The following EFNB1 variants were observed in gnomAD, a reference collection of about 807,000 sequenced individuals.
EFNB1 encodes ephrin-B1.
EFNB1 carries 1 observed loss-of-function variant against 18.1 expected under a neutral mutation model. The observed-to-expected ratio is 0.06, with a 90% CI of 0.02 to 0.26. The LOEUF is 0.26. Ranked by LOEUF, EFNB1 falls within the 10% of genes least tolerant of loss-of-function variation. The probability of loss-of-function intolerance (pLI) is 1.00; values close to 1 mark genes in which losing one functional copy is unlikely to be tolerated. For missense variants in EFNB1, 221 were observed against 301.8 expected (o/e 0.73, Z 1.98); for synonymous variants, 131 against 127.5 (o/e 1.03, Z -0.19).
chrX:68,835,030 C>G (rs1489957875), intron 1 of EFNB1, among the ~76,000 whole-genome samples: 1 of 112,380 alleles, frequency 8.9e-6, no homozygotes, highest in African/African-American at 3.2e-5. Flanking sequence ...TCCCCAACCC[C>G]TTCAGGCTTT....
Position 68,841,006 on chromosome X carries a change from C to T in EFNB1, c.*352C>T, listed in dbSNP as rs41312134. 2.2e-5 allele frequency: 6 copies of T among 276,420 alleles called. No homozygotes were observed. The highest frequency in any genetic ancestry group is 1.1e-4 in the South Asian group (1 of 9,018). The allele number at this position is 276,420 out of a possible 1,213,427, so 22.8% of individuals were successfully genotyped here. On this transcript the variant is annotated 3_prime_UTR_variant, in exon 5 of 5. Coordinates refer to ENST00000204961, the MANE Select transcript of EFNB1 (RefSeq NM_004429.5). The stretch of plus-strand genomic sequence containing the variant: ...TGCCACCTTCCCAGGACTGCTTGTC[C>T]GCTATCATCACTGTTTTTAATGCTT...
At position 68,841,981 on chromosome X, in the gene EFNB1, C is replaced by T. The variant is rs1456700000; in HGVS notation, c.*1327C>T. ...GTGGGAGAGGGAGCAGAACAGCCAG[C>T]CCCTTCCAGGTGGCAGTCGGAAGGG... On this transcript the variant is annotated 3_prime_UTR_variant, in exon 5 of 5. Coordinates refer to ENST00000204961, the MANE Select transcript of EFNB1 (RefSeq NM_004429.5). 1.8e-5 allele frequency: 2 copies of T among 113,183 alleles called. No individual in the cohort carries two copies. The highest frequency in any genetic ancestry group is 3.7e-5 in the Non-Finnish European group (2 of 53,339). 9.3% of individuals were successfully genotyped at this position (113,183 alleles called of 1,213,427 possible). A position where few individuals can be genotyped will look rare whatever the true frequency, so the allele number is the denominator to read the frequency against.
At chrX:68,832,324 C>T (rs1207243885) in intron 1 of EFNB1, among the ~76,000 whole-genome samples, 1 of 110,489 alleles carries the variant, frequency 9.1e-6, no homozygotes, top group Non-Finnish European at 1.9e-5. Flanking sequence ...TAGTCACTCT[C>T]TGCCTCTTTT....
At chrX:68,834,708 G>A (rs2080456156) in intron 1 of EFNB1, among the ~76,000 whole-genome samples, 1 of 112,997 alleles carries the variant, frequency 8.8e-6, no homozygotes, top group Non-Finnish European at 1.9e-5. Context: ...TGCAGTGGTC[G>A]TGGGGTCACT....
chrX:68,831,267 G>A (rs1043035441), intron 1 of EFNB1, among the ~76,000 whole-genome samples: 12 of 108,979 alleles, frequency 1.1e-4, no homozygotes, highest in Non-Finnish European at 2.1e-4. Flanking sequence ...TGATCTCTCA[G>A]CCCTGGAGTA....
At chrX:68,831,384 A>G (rs1322840698) in intron 1 of EFNB1, among the ~76,000 whole-genome samples, 2 of 111,790 alleles carry the variant, frequency 1.8e-5, no homozygotes, top group Non-Finnish European at 3.8e-5. Flanking sequence ...CCTGGGTACA[A>G]GGAAAGGGAT....
chrX:68,838,782 G>A lies in EFNB1; in HGVS notation c.294G>A (p.Leu98=), dbSNP rs752714814. ...GCACAGTTCTCGACCCCAACGTGTTGGTCACCTGCAATAGGCCAGAGCAGG... is the reference window on the plus strand; with the variant it reads ...GCACAGTTCTCGACCCCAACGTGTTAGTCACCTGCAATAGGCCAGAGCAGG... ...ACSTVLDPNV[L]VTCNRPEQEI... is the part of the protein sequence containing the mutation. The change falls in exon 2 of 5, where the codon TTG becomes TTA. Residue 98 remains leucine (L), a synonymous_variant. Transcript: ENST00000204961. The A allele has an allele frequency of 5.8e-6, 7 of 1,208,214 alleles. No individual in the cohort carries two copies. Among genetic ancestry groups the A allele is most frequent in the Non-Finnish European group, 7.8e-6 (7 of 894,276 alleles).
Position 68,839,677 on chromosome X carries a change from A to G in EFNB1, c.420A>G (p.Gly140=). The G allele has an allele frequency of 8.3e-7, 1 of 1,211,286 alleles. No individual in the cohort carries two copies. The highest frequency in any genetic ancestry group is 1.1e-6 in the Non-Finnish European group (1 of 895,280). ...CTCTTCCTGCAGCAACATCCAATGG[A>G]AGCCTGGAGGGGCTGGAAAACCGGG... ...HDYYITSTSN[G]SLEGLENREG... Residue 140 remains glycine, a synonymous_variant, in exon 3 of 5, where the codon GGA becomes GGG. Transcript: ENST00000204961.
intron 2 of EFNB1, among the ~76,000 whole-genome samples, chrX:68,839,102 AG>A (rs1192563347): frequency 1.8e-5 from 2 of 112,324 alleles, no homozygotes; most frequent in Non-Finnish European, 3.8e-5. Context: ...CCTTGGCTCC[AG>A]GGGTTGGGCA....
intron 1 of EFNB1, among the ~76,000 whole-genome samples, chrX:68,830,679 G>A (rs2080442636): frequency 8.9e-6 from 1 of 112,584 alleles, no homozygotes; most frequent in Non-Finnish European, 1.9e-5. Context: ...AGTGGCGGCC[G>A]AGCTGTTGAG....
rs1319138898 is a variant in EFNB1 at position 68,829,539 on chromosome X, C to A, written c.-238C>A. 2.0e-5 allele frequency: 9 copies of A among 454,315 alleles called. No individual in the cohort carries two copies. The highest frequency in any genetic ancestry group is 3.3e-5 in the Non-Finnish European group (9 of 271,828). 37.4% of individuals were successfully genotyped at this position (454,315 alleles called of 1,213,427 possible). Reference sequence around the variant, plus strand: ...TGCGGCAGCGGAGAGCCCAGGAGAACGAGCCCTCGGGGGCCGAAGCCCATG... The same window carrying A: ...TGCGGCAGCGGAGAGCCCAGGAGAAAGAGCCCTCGGGGGCCGAAGCCCATG... On this transcript the variant is annotated 5_prime_UTR_variant, in exon 1 of 5. Coordinates refer to ENST00000204961, the MANE Select transcript of EFNB1 (RefSeq NM_004429.5).
chrX:68,838,714 T>C lies in EFNB1; in HGVS notation c.226T>C (p.Tyr76His). Residue 76 changes from tyrosine to histidine, a missense_variant, in exon 2 of 5, where the codon TAC becomes CAC. Transcript: ENST00000204961. ...RAEAGRPYEYYKLYLVRPEQA... is the reference protein window; with the variant it reads ...RAEAGRPYEYHKLYLVRPEQA... ...AGAAGCAGGGCGGCCCTATGAGTAC[T>C]ACAAGCTGTACCTGGTGCGGCCTGA... The C allele has an allele frequency of 8.3e-7, 1 of 1,211,385 alleles. No homozygotes were observed. The highest frequency in any genetic ancestry group is 1.7e-5 in the African/African-American group (1 of 57,877).
intron 1 of EFNB1, among the ~76,000 whole-genome samples, chrX:68,830,868 C>G (rs1042961363): frequency 9.8e-5 from 11 of 112,150 alleles, no homozygotes; most frequent in Non-Finnish European, 1.9e-4. Flanking sequence ...AACTACCCCA[C>G]CACCACCACA....
intron 1 of EFNB1, among the ~76,000 whole-genome samples, chrX:68,835,536 A>G (rs1039455341): frequency 5.4e-5 from 6 of 110,817 alleles, no homozygotes; most frequent in African/African-American, 1.3e-4. Context: ...CCCATCCCTT[A>G]TGGCCCGTTA....
At chrX:68,838,480 T>C in intron 1 of EFNB1, 137 bp from the exon 2 acceptor site, 2 of 707,457 alleles carry the variant, frequency 2.8e-6, no homozygotes, top group South Asian at 5.0e-5. Context: ...AGCCTGAGGA[T>C]GGAGGAAGGG....
At chrX:68,832,811 C>CGTGT (rs3085479) in intron 1 of EFNB1, among the ~76,000 whole-genome samples, 17,160 of 97,164 alleles carry the variant, frequency 0.18, 1,231 homozygotes, top group Non-Finnish European at 0.19. Context: ...TCTGTGTGTG[C>CGTGT]GTGTGTGTGT....
rs953071140 is a variant in EFNB1 at position 68,840,897 on chromosome X, C to T, written c.*243C>T. 3.5e-5 allele frequency: 15 copies of T among 425,910 alleles called. No individual in the cohort carries two copies. In the Middle Eastern group the frequency reaches 3.1e-3, roughly 89 times the overall value. The allele number at this position is 425,910 out of a possible 1,213,427, so 35.1% of individuals were successfully genotyped here. On this transcript the variant is annotated 3_prime_UTR_variant, in exon 5 of 5. Coordinates refer to ENST00000204961, the MANE Select transcript of EFNB1 (RefSeq NM_004429.5). ...CAGGCCTCTGGGCTCCGTGGGGGCG[C>T]CCCTTCTTGGAAGGCAGGGCTGGAC...
At chrX:68,832,220 G>A (rs1233888452) in intron 1 of EFNB1, among the ~76,000 whole-genome samples, 1 of 110,757 alleles carries the variant, frequency 9.0e-6, no homozygotes, top group Non-Finnish European at 1.9e-5. Flanking sequence ...GCCCGTGTCA[G>A]TTCGCCCTCT....
chrX:68,834,096 GTGTGCAAGCATC>G (rs773145972), intron 1 of EFNB1, among the ~76,000 whole-genome samples: 2 of 112,379 alleles, frequency 1.8e-5, no homozygotes, highest in Non-Finnish European at 3.8e-5. Context: ...TACCTCGCAG[GTGTGCAAGCATC>G]TGTCCCTGTG....
Sources: gnomAD v4.1 joint callset for allele counts (sites outside exome capture counted in the v4.1 genomes callset) on GRCh38, gnomAD v4.1.1 for gene constraint, MANE v1.5 for transcripts, NCBI Gene and HGNC (gene_info 2026-07-23, HGNC 2026-07-21) for gene names.